Variants in CEP128 observed in about 807,000 individuals in gnomAD.
The protein encoded by CEP128 is centrosomal protein 128kDa.
Under a neutral mutation model 156.7 loss-of-function variants are expected in CEP128, and 132 were observed. The ratio of observed to expected loss-of-function variants is 0.84; its 90% confidence interval spans 0.73 to 0.97. The LOEUF is 0.97. CEP128 is among the 50% of genes least tolerant of loss of function. The pLI, the probability that CEP128 is intolerant of heterozygous loss-of-function variation, is 0.00. For synonymous variants in CEP128, 469 were observed against 448.9 expected, an observed-to-expected ratio of 1.04 and a Z score of -0.57; for missense variants, 1,252 against 1,281.9, an observed-to-expected ratio of 0.98 and a Z score of 0.36.
chr14:80,840,403 T>A (rs1041673352), intron 10 of CEP128, among the ~76,000 whole-genome samples: 7 of 152,110 alleles, frequency 4.6e-5, no homozygotes, highest in African/African-American at 1.7e-4. Flanking sequence ...TGCAACAAAG[T>A]CAAGTTCTTT....
chr14:80,846,088 T>G (rs1886586770), intron 9 of CEP128, among the ~76,000 whole-genome samples: 2 of 152,170 alleles, frequency 1.3e-5, no homozygotes, highest in African/African-American at 4.8e-5. Context: ...CTCACACAGA[T>G]TCACGCTAGC....
intron 19 of CEP128, among the ~76,000 whole-genome samples, chr14:80,724,076 G>A (rs1020964196): frequency 6.6e-6 from 1 of 152,294 alleles, no homozygotes; most frequent in African/African-American, 2.4e-5. Context: ...GCCTTATGGA[G>A]ATTGGGTACT....
chr14:80,513,020 G>C (rs1025451723), intron 23 of CEP128, among the ~76,000 whole-genome samples: 1 of 152,052 alleles, frequency 6.6e-6, no homozygotes, highest in Non-Finnish European at 1.5e-5. Flanking sequence ...TGTAATTGCA[G>C]TGTTATAATG....
intron 15 of CEP128, 148 bp downstream of exon 15, chr14:80,784,747 A>T: frequency 1.4e-6 from 1 of 693,738 alleles, no homozygotes; most frequent in Non-Finnish European, 2.4e-6. Flanking sequence ...CTGGCCGAAC[A>T]GGCATGAATA....
intron 19 of CEP128, among the ~76,000 whole-genome samples, chr14:80,737,730 A>C (rs1320625395): frequency 6.6e-6 from 1 of 151,558 alleles, no homozygotes; most frequent in Non-Finnish European, 1.5e-5. Context: ...AAAAATTAAA[A>C]AATAAAAACA....
intron 23 of CEP128, among the ~76,000 whole-genome samples, chr14:80,518,703 T>A (rs1328852050): frequency 6.6e-6 from 1 of 152,216 alleles, no homozygotes; most frequent in Admixed American, 6.5e-5. Context: ...AATTGTTGAC[T>A]TATTCATGAT....
chr14:80,825,299 G>C (rs1885412765), intron 13 of CEP128, among the ~76,000 whole-genome samples: 1 of 152,150 alleles, frequency 6.6e-6, no homozygotes, highest in South Asian at 2.1e-4. Context: ...TGTAGATATG[G>C]GGTTTCACTA....
intron 2 of CEP128, among the ~76,000 whole-genome samples, chr14:80,935,858 T>C (rs1442988875): frequency 6.6e-6 from 1 of 152,166 alleles, no homozygotes. Context: ...TATTAACTAA[T>C]GTAACCCCAA....
chr14:80,818,979 T>A (rs552747849), intron 13 of CEP128, among the ~76,000 whole-genome samples: 2 of 152,328 alleles, frequency 1.3e-5, no homozygotes, highest in Admixed American at 1.3e-4. Context: ...GATTTAGAGT[T>A]CCCACTGTCC....
intron 2 of CEP128, among the ~76,000 whole-genome samples, chr14:80,950,284 A>G (rs1219933434): frequency 1.3e-5 from 2 of 152,234 alleles, no homozygotes; most frequent in African/African-American, 2.4e-5. Context: ...TTAGACTTCT[A>G]GCCTCCAGAA....
At chr14:80,632,021 T>C (rs1258298821) in intron 19 of CEP128, among the ~76,000 whole-genome samples, 1 of 152,074 alleles carries the variant, frequency 6.6e-6, no homozygotes, top group African/African-American at 2.4e-5. Context: ...GATGTGTTAT[T>C]CAGCTCTTCT....
intron 8 of CEP128, among the ~76,000 whole-genome samples, chr14:80,869,614 T>C (rs1385897300): frequency 6.6e-6 from 1 of 151,816 alleles, no homozygotes; most frequent in Admixed American, 6.6e-5. Flanking sequence ...CAAAAATAAA[T>C]GAAATAGACT....
At chr14:80,691,306 T>C (rs1473773240) in intron 19 of CEP128, among the ~76,000 whole-genome samples, 1 of 152,194 alleles carries the variant, frequency 6.6e-6, no homozygotes, top group Non-Finnish European at 1.5e-5. Context: ...CAATTATCCT[T>C]TTAGCGAGAA....
chr14:80,572,404 A>G (rs1432084420), intron 20 of CEP128, among the ~76,000 whole-genome samples: 1 of 152,216 alleles, frequency 6.6e-6, no homozygotes, highest in Admixed American at 6.5e-5. Context: ...GTTGCACACT[A>G]TAGTCATTAC....
At chr14:80,527,047 G>T in intron 22 of CEP128, 65 bp from the exon 23 acceptor site, 1 of 735,854 alleles carries the variant, frequency 1.4e-6, no homozygotes. Context: ...CTTGAAATTA[G>T]AGTAAGAAAG....
At chr14:80,760,484 A>C (rs1899905109) in intron 17 of CEP128, among the ~76,000 whole-genome samples, 1 of 152,098 alleles carries the variant, frequency 6.6e-6, no homozygotes, top group Non-Finnish European at 1.5e-5. Flanking sequence ...ATGAGAAAGG[A>C]AGGTCATTCT....
At chr14:80,818,331 A>T (rs1314294583) in intron 13 of CEP128, among the ~76,000 whole-genome samples, 1 of 152,256 alleles carries the variant, frequency 6.6e-6, no homozygotes, top group Non-Finnish European at 1.5e-5. Context: ...CTAAATTCTT[A>T]TATCCAGCAA....
chr14:80,742,042 T>C (rs1033491992), intron 19 of CEP128, among the ~76,000 whole-genome samples: 2 of 152,160 alleles, frequency 1.3e-5, no homozygotes, highest in African/African-American at 4.8e-5. Flanking sequence ...GCATGTTGCT[T>C]ATATTTCTAG....
At chr14:80,714,069 A>T (rs1197266661) in intron 19 of CEP128, among the ~76,000 whole-genome samples, 3 of 152,214 alleles carry the variant, frequency 2.0e-5, no homozygotes, top group Non-Finnish European at 2.9e-5. Context: ...ATATTTGGAG[A>T]AGATAAATCT....
Sources: allele counts gnomAD v4.1 joint callset (sites outside exome capture counted in the v4.1 genomes callset), GRCh38; gene constraint gnomAD v4.1.1; transcripts MANE v1.5; gene names NCBI Gene and HGNC (gene_info 2026-07-23, HGNC 2026-07-21).